Variants in ABTB3 observed in about 807,000 individuals in gnomAD.
ABTB3 encodes the protein ankyrin repeat- and BTB/POZ domain-containing protein 3.
the ABTB3 span, among the ~76,000 whole-genome samples, chr12:107,631,149 T>C: frequency 6.6e-6 from 1 of 152,218 alleles, no homozygotes; most frequent in African/African-American, 2.4e-5. Context: ...CCCAACTTTA[T>C]TTCCATGTGT....
At chr12:107,656,968 G>A in the ABTB3 span, among the ~76,000 whole-genome samples, 798 of 152,226 alleles carry the variant, frequency 5.2e-3, 9 homozygotes, top group African/African-American at 0.018. Flanking sequence ...ACTTGAACCC[G>A]GGAGGTGGAG....
chr12:107,618,266 C>T, the ABTB3 span: 1 of 1,613,568 alleles, frequency 6.2e-7, no homozygotes, highest in Admixed American at 1.7e-5. Flanking sequence ...CAGCCCCGCC[C>T]CCCTTGTGCG....
At chr12:107,411,975 G>T in the ABTB3 span, among the ~76,000 whole-genome samples, 27 of 152,290 alleles carry the variant, frequency 1.8e-4, 1 homozygote, top group South Asian at 5.6e-3. Context: ...CTCATTTTGA[G>T]CCAAGAGTGT....
the ABTB3 span, among the ~76,000 whole-genome samples, chr12:107,337,448 A>G: frequency 6.6e-6 from 1 of 152,202 alleles, no homozygotes; most frequent in African/African-American, 2.4e-5. Flanking sequence ...TGTGATTCAC[A>G]CCACTTCCTA....
chr12:107,449,938 G>C, the ABTB3 span, among the ~76,000 whole-genome samples: 1 of 152,106 alleles, frequency 6.6e-6, no homozygotes, highest in Non-Finnish European at 1.5e-5. Context: ...CATTGTGCCT[G>C]GCTGATGTAC....
At chr12:107,404,275 G>A in the ABTB3 span, among the ~76,000 whole-genome samples, 20,395 of 151,526 alleles carry the variant, frequency 0.13, 1,831 homozygotes, top group Admixed American at 0.25. Flanking sequence ...AGAAAACAGA[G>A]TTGATAGCAA....
the ABTB3 span, among the ~76,000 whole-genome samples, chr12:107,653,994 T>C: frequency 6.6e-6 from 1 of 152,220 alleles, no homozygotes; most frequent in Non-Finnish European, 1.5e-5. Flanking sequence ...CCTGTCTCTA[T>C]GAATTTGACT....
the ABTB3 span, among the ~76,000 whole-genome samples, chr12:107,500,415 G>C: frequency 6.6e-6 from 1 of 152,158 alleles, no homozygotes; most frequent in Non-Finnish European, 1.5e-5. Flanking sequence ...AACCAAGATA[G>C]GCTGCTGCCC....
At chr12:107,555,037 TG>T in the ABTB3 span, among the ~76,000 whole-genome samples, 2 of 152,000 alleles carry the variant, frequency 1.3e-5, no homozygotes, top group Non-Finnish European at 2.9e-5. Context: ...CTGAAATGAG[TG>T]GGTCCCCAAG....
chr12:107,408,484 G>A, the ABTB3 span, among the ~76,000 whole-genome samples: 1 of 152,234 alleles, frequency 6.6e-6, no homozygotes, highest in South Asian at 2.1e-4. Context: ...AGTAGGGGCA[G>A]GGGAGGAGAG....
At chr12:107,557,262 G>T in the ABTB3 span, among the ~76,000 whole-genome samples, 8 of 152,152 alleles carry the variant, frequency 5.3e-5, no homozygotes, top group Non-Finnish European at 5.9e-5. Flanking sequence ...GTGGCTCCCA[G>T]GCTACAAACC....
the ABTB3 span, among the ~76,000 whole-genome samples, chr12:107,373,931 C>G: frequency 5.9e-5 from 9 of 152,332 alleles, no homozygotes; most frequent in East Asian, 1.7e-3. Flanking sequence ...GTAGTGGAGT[C>G]TGCGCAGACA....
At chr12:107,418,491 C>T in the ABTB3 span, among the ~76,000 whole-genome samples, 18 of 152,342 alleles carry the variant, frequency 1.2e-4, no homozygotes, top group Admixed American at 2.6e-4. Flanking sequence ...AGACCTGCAT[C>T]CTGTCCTCAC....
the ABTB3 span, chr12:107,617,458 C>G: frequency 1.9e-6 from 3 of 1,612,916 alleles, no homozygotes; most frequent in Non-Finnish European, 2.5e-6. Flanking sequence ...TGGGCCAAAG[C>G]CAGAGGTCCC....
chr12:107,477,280 G>A, the ABTB3 span, among the ~76,000 whole-genome samples: 1,156 of 152,260 alleles, frequency 7.6e-3, 25 homozygotes, highest in African/African-American at 0.026. Flanking sequence ...TTCAATGGGC[G>A]GGTCAAGAGA....
chr12:107,637,400 TA>T, the ABTB3 span, among the ~76,000 whole-genome samples: 161 of 149,660 alleles, frequency 1.1e-3, 1 homozygote, highest in Middle Eastern at 3.4e-3. Flanking sequence ...TCAAAAAATT[TA>T]AAAAAAAAAT....
At chr12:107,423,787 T>C in the ABTB3 span, among the ~76,000 whole-genome samples, 1 of 152,200 alleles carries the variant, frequency 6.6e-6, no homozygotes, top group Non-Finnish European at 1.5e-5. Context: ...GCCTTGAGAA[T>C]GCAAGCCAGA....
At chr12:107,499,338 CAGAG>C in the ABTB3 span, among the ~76,000 whole-genome samples, 1 of 150,226 alleles carries the variant, frequency 6.7e-6, no homozygotes, top group African/African-American at 2.5e-5. Flanking sequence ...ATTACACACA[CAGAG>C]AGACACACAA....
the ABTB3 span, among the ~76,000 whole-genome samples, chr12:107,581,610 C>A: frequency 6.6e-6 from 1 of 152,204 alleles, no homozygotes; most frequent in African/African-American, 2.4e-5. Flanking sequence ...TCTCTCTCCT[C>A]CCCCAGTAAA....
Sources: gnomAD v4.1 joint callset for allele counts (sites outside exome capture counted in the v4.1 genomes callset) on GRCh38, gnomAD v4.1.1 for gene constraint, MANE v1.5 for transcripts, NCBI Gene and HGNC (gene_info 2026-07-23, HGNC 2026-07-21) for gene names.